Variants in RGPD4 observed in about 807,000 individuals in gnomAD.
RGPD4 encodes RANBP2 like and GRIP domain containing 4.
Under a neutral mutation model 141.1 loss-of-function variants are expected in RGPD4, and 84 were observed. That is an observed-to-expected ratio of 0.60 (90% CI 0.50 to 0.71). The LOEUF is 0.71. Among genes scored for constraint, RGPD4 ranks in the 30% least tolerant of loss-of-function variants. RGPD4 has a pLI of 0.00. For synonymous variants in RGPD4, 298 were observed against 566.8 expected (o/e 0.53, Z 6.74); for missense variants, 918 against 1,622.4 (o/e 0.57, Z 7.46).
intron 9 of RGPD4, among the ~76,000 whole-genome samples, chr2:107,857,466 T>A: frequency 6.7e-6 from 1 of 148,924 alleles, no homozygotes; most frequent in South Asian, 2.2e-4. Flanking sequence ...AGGGTCTCGC[T>A]GTGTCACCTG....
At chr2:107,886,701 A>G (rs915214121) in intron 22 of RGPD4, among the ~76,000 whole-genome samples, 8 of 152,090 alleles carry the variant, frequency 5.3e-5, no homozygotes, top group Admixed American at 5.2e-4. Flanking sequence ...CTTGAAAATA[A>G]TAACCAACAC....
chr2:107,832,280 G>T (rs1323043366), intron 1 of RGPD4, among the ~76,000 whole-genome samples: 1 of 149,386 alleles, frequency 6.7e-6, no homozygotes, highest in Non-Finnish European at 1.5e-5. Context: ...CTACACAGCT[G>T]TGCTCTTGGG....
At chr2:107,834,170 A>G (rs1224168657) in intron 1 of RGPD4, among the ~76,000 whole-genome samples, 1 of 151,526 alleles carries the variant, frequency 6.6e-6, no homozygotes, top group African/African-American at 2.4e-5. Flanking sequence ...GCATTGAGCA[A>G]CGTTTTGTAA....
intron 22 of RGPD4, among the ~76,000 whole-genome samples, chr2:107,883,555 A>G (rs1178016719): frequency 6.8e-6 from 1 of 147,804 alleles, no homozygotes; most frequent in Non-Finnish European, 1.5e-5. Flanking sequence ...ACTTGAACTC[A>G]CGAGGCGGAG....
intron 20 of RGPD4, among the ~76,000 whole-genome samples, chr2:107,874,621 G>C (rs186063263): frequency 6.6e-6 from 1 of 150,964 alleles, no homozygotes; most frequent in Non-Finnish European, 1.5e-5. Context: ...GTATACTTGC[G>C]TACAGTTTCT....
intron 6 of RGPD4, among the ~76,000 whole-genome samples, chr2:107,845,294 A>G (rs1349261787): frequency 8.9e-6 from 1 of 112,856 alleles, no homozygotes; most frequent in Non-Finnish European, 1.7e-5. Context: ...CCTGGAGTAC[A>G]GTGGCGCAAT....
At chr2:107,855,528 T>A (rs1195424564) in intron 8 of RGPD4, among the ~76,000 whole-genome samples, 1 of 152,108 alleles carries the variant, frequency 6.6e-6, no homozygotes, top group East Asian at 1.9e-4. Flanking sequence ...ATGTCTTTGA[T>A]CTGGGCATCC....
intron 20 of RGPD4, among the ~76,000 whole-genome samples, chr2:107,874,500 ATTT>A (rs4012369): frequency 5.3e-5 from 6 of 112,868 alleles, no homozygotes; most frequent in African/African-American, 1.5e-4. Context: ...ACAATCTCTG[ATTT>A]TTTTTTTTAA....
chr2:107,845,050 CT>C (rs1339634458), intron 6 of RGPD4, among the ~76,000 whole-genome samples: 46 of 133,666 alleles, frequency 3.4e-4, no homozygotes, highest in Admixed American at 6.8e-4. Context: ...CTCAATCTCT[CT>C]TTTTTTTTTT....
chr2:107,854,055 T>TC (rs1682211532), intron 7 of RGPD4, among the ~76,000 whole-genome samples: 1 of 112,734 alleles, frequency 8.9e-6, no homozygotes, highest in African/African-American at 4.5e-5. Flanking sequence ...GGCCCCTCTC[T>TC]TTTTTTTTTT....
chr2:107,874,438 T>C (rs1683030713), intron 20 of RGPD4, among the ~76,000 whole-genome samples: 2 of 145,072 alleles, frequency 1.4e-5, no homozygotes, highest in Admixed American at 1.4e-4. Context: ...ATCTCACCCT[T>C]AGTGACCAGT....
intron 1 of RGPD4, among the ~76,000 whole-genome samples, chr2:107,835,694 G>A (rs1397163923): frequency 7.6e-6 from 1 of 131,706 alleles, no homozygotes; most frequent in Non-Finnish European, 1.6e-5. Context: ...GTACCACAGG[G>A]TTTCCAAGAT....
rs775841064 is a variant in RGPD4, at chr2:107,871,789, G to A, written c.3785G>A (p.Ser1262Asn). Residue 1262 changes from serine to asparagine, a missense_variant, in exon 20 of 23, where the codon AGT (serine) becomes AAT (asparagine). By Grantham distance (46) the Ser-to-Asn change is conservative (BLOSUM62 1). Coordinates refer to ENST00000408999, the MANE Select transcript of RGPD4 (RefSeq NM_182588.3). ...TTAAGGGAAGATGCTTTGGATGATA[G>A]TGTCAGTAGTAGCTCAGTACATGCT... is the stretch of plus-strand genomic sequence containing the variant. The part of the protein sequence containing the change: ...CDLREDALDD[S>N]VSSSSVHASP... 5 of 1,611,406 alleles carry A rather than the reference G, an allele frequency of 3.1e-6. No homozygotes were observed. Among genetic ancestry groups the A allele is most frequent in the Admixed American group, 1.7e-5 (1 of 59,962 alleles).
In RGPD4 at chr2:107,871,305, C is replaced by T. The variant is rs556511922; in HGVS notation, c.3301C>T (p.Arg1101Ter). ...EVNGKPRMLM[R>*]REQVLKVCAN... The stretch of plus-strand genomic sequence containing the variant: ...CAATGGCAAACCAAGAATGCTGATG[C>T]GAAGAGAACAAGTACTAAAAGTGTG... Residue 1101 changes from arginine (R) to a stop codon, truncating the protein, a stop_gained, in exon 20 of 23, where the codon CGA (arginine) becomes TGA (stop). Transcript: ENST00000408999. LOFTEE classifies it high-confidence loss of function. The T allele has an allele frequency of 2.5e-5, 40 of 1,604,512 alleles. No individual in the cohort carries two copies. The highest frequency in any genetic ancestry group is 2.0e-4 in the Admixed American group (12 of 59,152).
intron 1 of RGPD4, among the ~76,000 whole-genome samples, chr2:107,831,861 G>A (rs1444863678): frequency 7.5e-6 from 1 of 132,542 alleles, no homozygotes; most frequent in Non-Finnish European, 1.6e-5. Context: ...GTGAGCCACC[G>A]GGCCGGGCCC....
Position 107,863,051 on chromosome 2 carries a change from C to G in RGPD4, c.2469+19C>G. 1.4e-6 allele frequency: 2 copies of G among 1,463,472 alleles called. No homozygotes were observed. Among genetic ancestry groups the G allele is most frequent in the East Asian group, 2.3e-5 (1 of 43,118 alleles). 90.7% of individuals were successfully genotyped at this position (1,463,472 alleles called of 1,614,324 possible). ...CATTAAGGTAAGTCACTTAATTTCTCTAGCTGTACTTTTTATTCCAAGATT... is the reference window on the plus strand; with the variant it reads ...CATTAAGGTAAGTCACTTAATTTCTGTAGCTGTACTTTTTATTCCAAGATT... On this transcript the variant is annotated intron_variant, in intron 17 of 22. Transcript: ENST00000408999.
At chr2:107,887,058 C>A (rs1426566549) in intron 22 of RGPD4, among the ~76,000 whole-genome samples, 1 of 148,064 alleles carries the variant, frequency 6.8e-6, no homozygotes, top group East Asian at 2.0e-4. Context: ...GCCTGGGCAA[C>A]ATGGCGAGAC....
intron 6 of RGPD4, among the ~76,000 whole-genome samples, chr2:107,846,331 G>A (rs1307885006): frequency 6.6e-6 from 1 of 151,774 alleles, no homozygotes; most frequent in African/African-American, 2.4e-5. Flanking sequence ...CTTCCAAAGT[G>A]CTGGGATTGC....
intron 22 of RGPD4, among the ~76,000 whole-genome samples, chr2:107,887,331 T>C (rs1281057337): frequency 6.6e-6 from 1 of 152,338 alleles, no homozygotes; most frequent in Non-Finnish European, 1.5e-5. Flanking sequence ...ATGTTGAATC[T>C]AGTAAGGATA....
Sources: allele counts gnomAD v4.1 joint callset (sites outside exome capture counted in the v4.1 genomes callset), GRCh38; gene constraint gnomAD v4.1.1; transcripts MANE v1.5; gene names NCBI Gene and HGNC (gene_info 2026-07-23, HGNC 2026-07-21).